PRP4K: variants seen among roughly 807,000 people sequenced by gnomAD.
The protein encoded by PRP4K is serine/threonine-protein kinase PRP4 homolog.
At chr6:4,052,329 G>T in the PRP4K span, among the ~76,000 whole-genome samples, 1 of 152,008 alleles carries the variant, frequency 6.6e-6, no homozygotes. Flanking sequence ...TGCAGTCTTG[G>T]CTCGCTGCAA....
the PRP4K span, chr6:4,031,642 G>A: frequency 1.2e-4 from 198 of 1,602,130 alleles, 1 homozygote; most frequent in Middle Eastern, 1.7e-4. Flanking sequence ...AAGCACAGTC[G>A]TCACAAAAAA....
chr6:4,021,334 C>A, the PRP4K span: 1 of 1,521,086 alleles, frequency 6.6e-7, no homozygotes, highest in Non-Finnish European at 8.9e-7. Flanking sequence ...TCGGCACATG[C>A]GCGGCAGCTC....
the PRP4K span, among the ~76,000 whole-genome samples, chr6:4,030,599 T>G: frequency 5.3e-4 from 80 of 152,344 alleles, 1 homozygote; most frequent in African/African-American, 1.8e-3. Context: ...AATCATAAAC[T>G]TTTTAACTCA....
At chr6:4,049,768 A>G in the PRP4K span, 3 of 1,613,368 alleles carry the variant, frequency 1.9e-6, no homozygotes, top group East Asian at 2.2e-5. Flanking sequence ...AAACGTTACA[A>G]TGTGTATGGC....
chr6:4,031,529 G>C, the PRP4K span: 1 of 1,389,048 alleles, frequency 7.2e-7, no homozygotes. Context: ...TAAATGATAT[G>C]ATTTTAAAAT....
chr6:4,052,224 G>GTT, the PRP4K span: 1 of 1,027,418 alleles, frequency 9.7e-7, no homozygotes, highest in Non-Finnish European at 1.4e-6. Flanking sequence ...TCTGGTTTTT[G>GTT]TTTTTAACTT....
chr6:4,032,264 A>G, the PRP4K span: 1 of 1,612,852 alleles, frequency 6.2e-7, no homozygotes, highest in Non-Finnish European at 8.5e-7. Context: ...GGCGATCTCA[A>G]GAGAAAATTG....
chr6:4,040,098 C>T, the PRP4K span, among the ~76,000 whole-genome samples: 1 of 151,762 alleles, frequency 6.6e-6, no homozygotes, highest in African/African-American at 2.4e-5. Flanking sequence ...GTTGCCCAGG[C>T]TGGTCTCAAA....
the PRP4K span, among the ~76,000 whole-genome samples, chr6:4,030,681 A>C: frequency 3.3e-5 from 5 of 152,200 alleles, no homozygotes; most frequent in African/African-American, 1.2e-4. Flanking sequence ...GTTAATGTAA[A>C]TGTATTTTGG....
the PRP4K span, among the ~76,000 whole-genome samples, chr6:4,054,365 C>T: frequency 6.6e-6 from 1 of 151,812 alleles, no homozygotes; most frequent in Non-Finnish European, 1.5e-5. Flanking sequence ...GAGGTGTATT[C>T]CATTTTTATG....
At chr6:4,037,935 T>C in the PRP4K span, among the ~76,000 whole-genome samples, 6 of 152,032 alleles carry the variant, frequency 3.9e-5, no homozygotes, top group African/African-American at 1.4e-4. Context: ...TTTATATTAA[T>C]TTTGCATATT....
At chr6:4,051,599 G>A in the PRP4K span, among the ~76,000 whole-genome samples, 1 of 152,206 alleles carries the variant, frequency 6.6e-6, no homozygotes, top group African/African-American at 2.4e-5. Context: ...TTACAGGCAT[G>A]AGCTACCGCG....
the PRP4K span, among the ~76,000 whole-genome samples, chr6:4,055,324 C>G: frequency 6.6e-6 from 1 of 152,198 alleles, no homozygotes; most frequent in African/African-American, 2.4e-5. Flanking sequence ...AATAACTTTT[C>G]TATTTTAAGA....
the PRP4K span, among the ~76,000 whole-genome samples, chr6:4,027,260 C>G: frequency 6.6e-6 from 1 of 152,170 alleles, no homozygotes; most frequent in African/African-American, 2.4e-5. Context: ...AAATTCTCAA[C>G]TCAAATGGAG....
At chr6:4,035,625 T>C in the PRP4K span, among the ~76,000 whole-genome samples, 1 of 152,180 alleles carries the variant, frequency 6.6e-6, no homozygotes, top group South Asian at 2.1e-4. Context: ...TCTTGGGTTC[T>C]GTATACCGTG....
chr6:4,056,488 A>G, the PRP4K span: 1 of 1,612,584 alleles, frequency 6.2e-7, no homozygotes, highest in South Asian at 1.1e-5. Flanking sequence ...TGGAAACCGC[A>G]TACTTAATGT....
chr6:4,055,778 CCTT>C, the PRP4K span, among the ~76,000 whole-genome samples: 2 of 152,116 alleles, frequency 1.3e-5, no homozygotes. Flanking sequence ...TTGACTAATA[CCTT>C]CTTTATATTT....
At chr6:4,021,440 G>A in the PRP4K span, 2 of 1,585,808 alleles carry the variant, frequency 1.3e-6, no homozygotes, top group East Asian at 2.3e-5. Flanking sequence ...CCGCCGCGGA[G>A]ACCCAGTCGC....
chr6:4,038,410 A>C, the PRP4K span, among the ~76,000 whole-genome samples: 614 of 151,208 alleles, frequency 4.1e-3, 2 homozygotes, highest in Middle Eastern at 0.014. Flanking sequence ...CAGCCTCTCA[A>C]GTAGCTGGGA....
Sources: allele counts gnomAD v4.1 joint callset (sites outside exome capture counted in the v4.1 genomes callset), GRCh38; gene constraint gnomAD v4.1.1; transcripts MANE v1.5; gene names NCBI Gene and HGNC (gene_info 2026-07-23, HGNC 2026-07-21).